The following CAST variants were observed in gnomAD, a reference collection of about 807,000 sequenced individuals.
The protein encoded by CAST is MIR583 host.
In CAST, 76 loss-of-function variants were observed where a neutral mutation model predicts 119.6. That is an observed-to-expected ratio of 0.64 (90% confidence interval 0.53 to 0.77). CAST has a LOEUF of 0.77. Among genes scored for constraint, CAST ranks in the 30% least tolerant of loss-of-function variants. The probability of loss-of-function intolerance (pLI) is 0.00; values close to 1 mark genes in which losing one functional copy is unlikely to be tolerated. For synonymous variants in CAST, 319 were observed against 331.6 expected (o/e 0.96, Z 0.41); for missense variants, 953 against 946.5 (o/e 1.01, Z -0.09).
intron 1 of CAST, among the ~76,000 whole-genome samples, chr5:96,565,625 G>C (rs1746452457): frequency 6.6e-6 from 1 of 152,172 alleles, no homozygotes; most frequent in African/African-American, 2.4e-5. Context: ...GGTCCACTCA[G>C]TGTAAGCATT....
the CAST span, among the ~76,000 whole-genome samples, chr5:95,987,416 G>C: frequency 6.6e-6 from 1 of 152,078 alleles, no homozygotes; most frequent in Non-Finnish European, 1.5e-5. Flanking sequence ...TCAACCTGAT[G>C]ATGTTGTACA....
chr5:96,587,004 T>G (rs1488856996), intron 1 of CAST, among the ~76,000 whole-genome samples: 1 of 152,186 alleles, frequency 6.6e-6, no homozygotes, highest in Non-Finnish European at 1.5e-5. Context: ...AAAACCACCT[T>G]CAAACCGAGA....
chr5:96,400,141 G>C, the CAST span: 1 of 1,614,160 alleles, frequency 6.2e-7, no homozygotes, highest in Non-Finnish European at 8.5e-7. Flanking sequence ...CATACTCAGA[G>C]GTCCAGACAA....
At chr5:96,449,993 A>G in the CAST span, among the ~76,000 whole-genome samples, 1 of 152,124 alleles carries the variant, frequency 6.6e-6, no homozygotes, top group Non-Finnish European at 1.5e-5. Context: ...CCTGAAATGT[A>G]CCCCCATATT....
the CAST span, among the ~76,000 whole-genome samples, chr5:96,176,133 A>C: frequency 1.3e-5 from 2 of 152,180 alleles, no homozygotes; most frequent in Admixed American, 6.5e-5. Flanking sequence ...GGCCCAGGGA[A>C]TAGGAGGACA....
At chr5:96,408,201 T>A in the CAST span, 1 of 1,556,710 alleles carries the variant, frequency 6.4e-7, no homozygotes, top group Non-Finnish European at 8.9e-7. Context: ...GTAAAGGTGA[T>A]TAGAAGCTTT....
At chr5:96,453,668 T>G in the CAST span, among the ~76,000 whole-genome samples, 24 of 152,226 alleles carry the variant, frequency 1.6e-4, no homozygotes, top group Non-Finnish European at 2.8e-4. Context: ...AGTCTGCATG[T>G]GATAATTGTT....
the CAST span, among the ~76,000 whole-genome samples, chr5:96,518,886 T>C: frequency 1.3e-5 from 2 of 151,924 alleles, no homozygotes; most frequent in African/African-American, 4.8e-5. Context: ...GTCATGGTGG[T>C]GGGTGCCTGT....
At chr5:95,976,918 A>G in the CAST span, among the ~76,000 whole-genome samples, 1 of 152,016 alleles carries the variant, frequency 6.6e-6, no homozygotes, top group African/African-American at 2.4e-5. Flanking sequence ...CTCAATTCTG[A>G]CCCCTGCCCT....
chr5:96,693,316 T>G (rs977294301), intron 2 of CAST, among the ~76,000 whole-genome samples: 3 of 152,248 alleles, frequency 2.0e-5, no homozygotes, highest in African/African-American at 7.2e-5. Flanking sequence ...GCATATAAAT[T>G]AAGTTTAAAC....
chr5:96,054,328 C>T, the CAST span, among the ~76,000 whole-genome samples: 2 of 152,170 alleles, frequency 1.3e-5, no homozygotes, highest in Non-Finnish European at 2.9e-5. Flanking sequence ...TCACAGCACA[C>T]TGTAGCTTTG....
the CAST span, among the ~76,000 whole-genome samples, chr5:96,078,696 CAAGTT>C: frequency 6.6e-6 from 1 of 152,122 alleles, no homozygotes; most frequent in Non-Finnish European, 1.5e-5. Flanking sequence ...CACTTAATGT[CAAGTT>C]AAATCAATCA....
At chr5:96,479,080 A>T in the CAST span, among the ~76,000 whole-genome samples, 1 of 152,218 alleles carries the variant, frequency 6.6e-6, no homozygotes, top group Non-Finnish European at 1.5e-5. Context: ...GTAGGAGAGC[A>T]GCTGGCAGAG....
intron 1 of CAST, among the ~76,000 whole-genome samples, chr5:96,629,494 G>A (rs990988004): frequency 2.0e-5 from 3 of 152,064 alleles, no homozygotes; most frequent in African/African-American, 4.8e-5. Context: ...TCTTCCATTC[G>A]CAGGTATTAA....
chr5:96,365,050 C>T, the CAST span, among the ~76,000 whole-genome samples: 1 of 152,190 alleles, frequency 6.6e-6, no homozygotes, highest in Non-Finnish European at 1.5e-5. Flanking sequence ...TTTCAAAGAA[C>T]ATCTTTATTT....
At chr5:96,071,314 C>A in the CAST span, among the ~76,000 whole-genome samples, 1 of 152,128 alleles carries the variant, frequency 6.6e-6, no homozygotes, top group South Asian at 2.1e-4. Flanking sequence ...ACACACCATT[C>A]CCCCAGCTAC....
intron 25 of CAST, 27 bp downstream of exon 25, chr5:96,762,399 TA>T: frequency 6.6e-7 from 1 of 1,508,418 alleles, no homozygotes; most frequent in Non-Finnish European, 8.9e-7. Context: ...ATTTGGGAGA[TA>T]AATGTTTTTG....
the CAST span, among the ~76,000 whole-genome samples, chr5:96,514,784 TGCCCAG>T: frequency 6.6e-6 from 1 of 152,144 alleles, no homozygotes; most frequent in Non-Finnish European, 1.5e-5. Flanking sequence ...CTCGCTCTAT[TGCCCAG>T]GCCCAGGCTG....
At chr5:96,571,065 G>C (rs917093984) in intron 1 of CAST, among the ~76,000 whole-genome samples, 2 of 152,182 alleles carry the variant, frequency 1.3e-5, no homozygotes, top group Non-Finnish European at 2.9e-5. Context: ...TCTGGTGACT[G>C]TTGGAGTTTT....
Sources: gnomAD v4.1 joint callset for allele counts (sites outside exome capture counted in the v4.1 genomes callset) on GRCh38, gnomAD v4.1.1 for gene constraint, MANE v1.5 for transcripts, NCBI Gene and HGNC (gene_info 2026-07-23, HGNC 2026-07-21) for gene names.